The following CNTN5 variants were observed in gnomAD, a reference collection of about 807,000 sequenced individuals.
CNTN5 encodes contactin-5.
A neutral mutation model predicts 129.1 loss-of-function variants in CNTN5; 77 were observed. The observed-to-expected ratio is 0.60, with a 90% confidence interval of 0.50 to 0.72. The LOEUF (loss-of-function observed/expected upper bound fraction) is 0.72, where lower values mean the gene tolerates loss of function less well. CNTN5 is among the 30% of genes least tolerant of loss of function. CNTN5 has a pLI of 0.00. For synonymous variants in CNTN5, 509 were observed against 465.6 expected, an observed-to-expected ratio of 1.09 and a Z score of -1.20; for missense variants, 1,478 against 1,328.8, an observed-to-expected ratio of 1.11 and a Z score of -1.75.
chr11:100,243,247 G>T (rs1305383769), intron 16 of CNTN5, among the ~76,000 whole-genome samples: 1 of 152,230 alleles, frequency 6.6e-6, no homozygotes, highest in East Asian at 1.9e-4. Context: ...TCTGGCTACA[G>T]GGAGTGTATA....
At chr11:99,222,269 A>G (rs557954382) in intron 1 of CNTN5, among the ~76,000 whole-genome samples, 71 of 152,050 alleles carry the variant, frequency 4.7e-4, no homozygotes, top group African/African-American at 1.3e-3. Flanking sequence ...GCAATAAAAC[A>G]TAAGAAAATG....
At chr11:100,318,104 G>C (rs1038531526) in intron 21 of CNTN5, among the ~76,000 whole-genome samples, 7 of 151,846 alleles carry the variant, frequency 4.6e-5, no homozygotes, top group East Asian at 3.9e-4. Context: ...AGCCGGGCGC[G>C]GTGGTGGGCG....
At chr11:99,697,319 G>A (rs1427305395) in intron 3 of CNTN5, among the ~76,000 whole-genome samples, 2 of 151,092 alleles carry the variant, frequency 1.3e-5, no homozygotes, top group African/African-American at 4.9e-5. Flanking sequence ...AAGAGGGGGA[G>A]AGAGAGAGAG....
At chr11:99,407,594 C>T (rs1942136232) in intron 2 of CNTN5, among the ~76,000 whole-genome samples, 1 of 152,296 alleles carries the variant, frequency 6.6e-6, no homozygotes, top group South Asian at 2.1e-4. Flanking sequence ...CTCTATCCCC[C>T]AACTCAACTG....
At chr11:99,114,339 G>T (rs978807477) in intron 1 of CNTN5, among the ~76,000 whole-genome samples, 3 of 152,078 alleles carry the variant, frequency 2.0e-5, no homozygotes, top group Admixed American at 6.6e-5. Context: ...CTCGTAGTAA[G>T]AAATTGTTAA....
chr11:99,169,400 TATAG>T (rs1447713364), intron 1 of CNTN5, among the ~76,000 whole-genome samples: 2 of 142,372 alleles, frequency 1.4e-5, no homozygotes, highest in Non-Finnish European at 3.1e-5. Flanking sequence ...GTGTATTTAG[TATAG>T]ATAATTTTCC....
At chr11:99,821,792 T>A (rs1946810051) in intron 4 of CNTN5, among the ~76,000 whole-genome samples, 1 of 152,048 alleles carries the variant, frequency 6.6e-6, no homozygotes, top group South Asian at 2.1e-4. Context: ...AGCTCCCAGG[T>A]GATGGTGATG....
chr11:99,907,583 C>T (rs1370815958), intron 6 of CNTN5, among the ~76,000 whole-genome samples: 2 of 151,462 alleles, frequency 1.3e-5, no homozygotes, highest in Non-Finnish European at 2.9e-5. Flanking sequence ...AATATTTTTA[C>T]TTTATTTAAA....
chr11:100,228,810 T>G (rs1304850863), intron 16 of CNTN5, among the ~76,000 whole-genome samples: 1 of 152,162 alleles, frequency 6.6e-6, no homozygotes, highest in Admixed American at 6.5e-5. Flanking sequence ...AGGTGTACCA[T>G]GGAAGTTCAC....
rs767240576 is a variant in CNTN5, at chr11:100,193,811, T to C, written c.1884+148T>C. ...ACAATTACTTTCTGCCATTATTTTA[T>C]GTTATGTCAAACTGAAAGTAATATG... On this transcript the variant is annotated intron_variant, in intron 15 of 24. Coordinates refer to ENST00000524871, the MANE Select transcript of CNTN5 (RefSeq NM_014361.4). The C allele has an allele frequency of 4.5e-6, 3 of 660,928 alleles. No individual in the cohort carries two copies. In the African/African-American group the frequency reaches 5.7e-5, roughly 13 times the overall value. 40.9% of individuals were successfully genotyped at this position (660,928 alleles called of 1,614,324 possible).
chr11:100,204,347 T>A (rs1355782685), intron 15 of CNTN5, among the ~76,000 whole-genome samples: 6 of 109,994 alleles, frequency 5.5e-5, no homozygotes, highest in Non-Finnish European at 9.7e-5. Context: ...TATATATAAT[T>A]ATAGGCAGAC....
chr11:99,706,145 A>C (rs1252044196), intron 3 of CNTN5, among the ~76,000 whole-genome samples: 1 of 151,488 alleles, frequency 6.6e-6, no homozygotes, highest in Non-Finnish European at 1.5e-5. Flanking sequence ...CTATCAATAA[A>C]AGAGGGACTA....
chr11:100,161,830 T>TACACACACACACACACACACACAC (rs71050053), intron 13 of CNTN5, among the ~76,000 whole-genome samples: 7 of 125,890 alleles, frequency 5.6e-5, no homozygotes, highest in African/African-American at 2.0e-4. Context: ...TGGAGCTTCC[T>TACACACACACACACACACACACAC]ACACACACAC....
At chr11:99,608,269 A>C (rs1591354454) in intron 3 of CNTN5, among the ~76,000 whole-genome samples, 1 of 152,162 alleles carries the variant, frequency 6.6e-6, no homozygotes, top group South Asian at 2.1e-4. Context: ...CCTTTTAGTT[A>C]CTGGCAGATG....
intron 1 of CNTN5, among the ~76,000 whole-genome samples, chr11:99,037,804 T>C (rs550909730): frequency 2.4e-4 from 37 of 151,818 alleles, no homozygotes; most frequent in Non-Finnish European, 5.0e-4. Context: ...GGTCTTGAAC[T>C]CCTGACCTCA....
chr11:99,310,168 C>T (rs1320377699), intron 1 of CNTN5, among the ~76,000 whole-genome samples: 6 of 152,050 alleles, frequency 3.9e-5, no homozygotes, highest in African/African-American at 1.2e-4. Context: ...TGAATACGCA[C>T]GCATAAGTAT....
chr11:99,092,771 G>A (rs1054636956), intron 1 of CNTN5, among the ~76,000 whole-genome samples: 6 of 151,970 alleles, frequency 3.9e-5, no homozygotes, highest in Non-Finnish European at 7.4e-5. Context: ...TGTTATAGAT[G>A]TGTGTTTGTA....
intron 3 of CNTN5, among the ~76,000 whole-genome samples, chr11:99,620,370 A>C (rs996980473): frequency 6.6e-6 from 1 of 152,132 alleles, no homozygotes; most frequent in South Asian, 2.1e-4. Flanking sequence ...AATAAAAAGT[A>C]AACATTCATT....
intron 2 of CNTN5, among the ~76,000 whole-genome samples, chr11:99,446,481 T>G (rs1944076987): frequency 6.6e-6 from 1 of 152,184 alleles, no homozygotes; most frequent in East Asian, 1.9e-4. Flanking sequence ...CCTGCAAATT[T>G]TTTTCTTCCA....
Sources: allele counts gnomAD v4.1 joint callset (sites outside exome capture counted in the v4.1 genomes callset), GRCh38; gene constraint gnomAD v4.1.1; transcripts MANE v1.5; gene names NCBI Gene and HGNC (gene_info 2026-07-23, HGNC 2026-07-21).